Variants in EYA1 observed in about 807,000 individuals in gnomAD.
EYA1 encodes the protein EYA transcriptional coactivator and phosphatase 1.
A neutral mutation model predicts 82.0 loss-of-function variants in EYA1; 16 were observed. That is an observed-to-expected ratio of 0.20 (90% CI 0.13 to 0.30). EYA1 has a LOEUF of 0.30. Ranked by LOEUF, EYA1 falls within the 10% of genes least tolerant of loss-of-function variation. The pLI is 1.00. For synonymous variants in EYA1, 261 were observed against 264.4 expected, an observed-to-expected ratio of 0.99 and a Z score of 0.12; for missense variants, 633 against 730.7, an observed-to-expected ratio of 0.87 and a Z score of 1.54.
intron 2 of EYA1, among the ~76,000 whole-genome samples, chr8:71,509,534 T>C (rs901224459): frequency 5.3e-5 from 8 of 152,182 alleles, no homozygotes; most frequent in Admixed American, 4.6e-4. Context: ...TTGGAATCTT[T>C]TAAACAAAGA....
intron 2 of EYA1, among the ~76,000 whole-genome samples, chr8:71,519,767 C>T (rs1309909405): frequency 6.6e-6 from 1 of 151,918 alleles, no homozygotes; most frequent in East Asian, 1.9e-4. Flanking sequence ...AAAGGAGGCT[C>T]TGCCTTCTTA....
chr8:71,458,462 C>T (rs1461433480), intron 2 of EYA1, among the ~76,000 whole-genome samples: 1 of 151,144 alleles, frequency 6.6e-6, no homozygotes, highest in Non-Finnish European at 1.5e-5. Flanking sequence ...CTCACATGGC[C>T]AGGGAATGCT....
intron 2 of EYA1, among the ~76,000 whole-genome samples, chr8:71,425,104 C>CAAAAAAAAAAAA (rs71264555): frequency 1.9e-3 from 145 of 75,084 alleles, no homozygotes; most frequent in African/African-American, 2.5e-3. Flanking sequence ...ACTAAAAATA[C>CAAAAAAAAAAAA]AAAAAAAAAA....
intron 2 of EYA1, among the ~76,000 whole-genome samples, chr8:71,524,638 C>T (rs1383826533): frequency 1.3e-5 from 2 of 152,086 alleles, no homozygotes; most frequent in African/African-American, 4.8e-5. Flanking sequence ...CTGAGTATTT[C>T]TAAACATCAG....
At chr8:71,248,667 T>G (rs563353214) in intron 11 of EYA1, among the ~76,000 whole-genome samples, 4 of 152,348 alleles carry the variant, frequency 2.6e-5, no homozygotes, top group African/African-American at 4.8e-5. Context: ...GAAGGACAGA[T>G]AGATAATTCT....
At chr8:71,281,354 C>T (rs733745) in intron 9 of EYA1, among the ~76,000 whole-genome samples, 115,141 of 152,102 alleles carry the variant, frequency 0.76, 43,943 homozygotes, top group East Asian at 0.88. Flanking sequence ...CACCTTTCTC[C>T]TCCTACAGCA....
chr8:71,346,270 T>C (rs572161530), intron 3 of EYA1, among the ~76,000 whole-genome samples: 1 of 152,074 alleles, frequency 6.6e-6, no homozygotes, highest in East Asian at 1.9e-4. Flanking sequence ...AATAGTGAAC[T>C]TCTCTTTGGC....
chr8:71,315,801 A>G (rs965293668), intron 7 of EYA1, among the ~76,000 whole-genome samples: 27 of 152,242 alleles, frequency 1.8e-4, no homozygotes, highest in African/African-American at 6.3e-4. Flanking sequence ...GCACATAAAT[A>G]ATATCCTTCT....
In EYA1 at chr8:71,198,074, A is replaced by T. The variant is rs1038741334; in HGVS notation, c.*1266T>A. 2.6e-5 allele frequency: 4 copies of T among 152,280 alleles called. No homozygotes were observed. Among genetic ancestry groups the T allele is most frequent in the African/African-American group, 9.6e-5 (4 of 41,468 alleles). The allele number at this position is 152,280 out of a possible 1,614,324, so 9.4% of individuals were successfully genotyped here. Reference sequence around the variant, plus strand: ...AAAGTTTGCTGATTTCCGGATTAGCATCGTGTGTCTTCCTTTATCGAAAGA... The same window carrying T: ...AAAGTTTGCTGATTTCCGGATTAGCTTCGTGTGTCTTCCTTTATCGAAAGA... On this transcript the variant is annotated 3_prime_UTR_variant, in exon 18 of 18. Transcript: ENST00000340726.
chr8:71,422,452 C>T (rs931613398), intron 2 of EYA1, among the ~76,000 whole-genome samples: 1 of 152,170 alleles, frequency 6.6e-6, no homozygotes, highest in Non-Finnish European at 1.5e-5. Flanking sequence ...GCAATGCCCT[C>T]GGCAGACTCA....
rs1811908988 is a variant in EYA1 at position 71,236,941 on chromosome 8, A to G, written c.1140+7662T>C. Among the ~76,000 whole-genome samples the G allele has an allele frequency of 3.3e-5, 5 of 152,290 alleles. No homozygotes were observed. In the South Asian group the frequency reaches 8.3e-4, roughly 25 times the overall value. On this transcript the variant is annotated intron_variant, in intron 12 of 17. Coordinates refer to ENST00000340726, the MANE Select transcript of EYA1 (RefSeq NM_000503.6). ...CTTTTCTGAAAACTTGTATCCCTTT[A>G]TATCCTTACCAGCAATGTACACAAG...
intron 11 of EYA1, among the ~76,000 whole-genome samples, chr8:71,264,107 T>C (rs1383985569): frequency 6.6e-6 from 1 of 151,998 alleles, no homozygotes; most frequent in Non-Finnish European, 1.5e-5. Context: ...GGACTGGAGG[T>C]TCCAAAAGGG....
At chr8:71,407,786 G>T (rs1283681617) in intron 2 of EYA1, among the ~76,000 whole-genome samples, 2 of 142,894 alleles carry the variant, frequency 1.4e-5, no homozygotes, top group Non-Finnish European at 3.1e-5. Flanking sequence ...GAACCAAGTT[G>T]GAAAACACTC....
At chr8:71,434,074 G>A (rs893245081) in intron 2 of EYA1, among the ~76,000 whole-genome samples, 4 of 152,174 alleles carry the variant, frequency 2.6e-5, no homozygotes, top group Admixed American at 6.5e-5. Flanking sequence ...TGGATGTGAG[G>A]TGTGAAAGGA....
intron 2 of EYA1, among the ~76,000 whole-genome samples, chr8:71,483,237 T>C (rs1810307321): frequency 6.6e-6 from 1 of 152,194 alleles, no homozygotes. Flanking sequence ...CTGCCTGGAA[T>C]GTTCTTCCTC....
At chr8:71,230,307 G>C (rs1044619221) in intron 12 of EYA1, among the ~76,000 whole-genome samples, 4 of 152,198 alleles carry the variant, frequency 2.6e-5, no homozygotes, top group African/African-American at 9.7e-5. Flanking sequence ...GCAAGCACCT[G>C]TCAAAATCCA....
chr8:71,508,422 C>T (rs1255600365), intron 2 of EYA1, among the ~76,000 whole-genome samples: 1 of 152,118 alleles, frequency 6.6e-6, no homozygotes, highest in Non-Finnish European at 1.5e-5. Context: ...TACAGGCACA[C>T]AACACCAAGC....
At chr8:71,365,999 A>G (rs899987500), upstream of EYA1, among the ~76,000 whole-genome samples, 3 of 152,200 alleles carry the variant, frequency 2.0e-5, no homozygotes, top group African/African-American at 4.8e-5. Context: ...ATTTTAATAC[A>G]TATTACAGTC....
At chr8:71,534,250 AG>A (rs1355377947) in intron 2 of EYA1, among the ~76,000 whole-genome samples, 1 of 152,252 alleles carries the variant, frequency 6.6e-6, no homozygotes, top group Non-Finnish European at 1.5e-5. Context: ...GAGCTACAAA[AG>A]TATTTTAACA....
Sources: allele counts gnomAD v4.1 joint callset (sites outside exome capture counted in the v4.1 genomes callset), GRCh38; gene constraint gnomAD v4.1.1; transcripts MANE v1.5; gene names NCBI Gene and HGNC (gene_info 2026-07-23, HGNC 2026-07-21).